ADARB2: variants seen among roughly 807,000 people sequenced by gnomAD.
The protein encoded by ADARB2 is adenosine deaminase RNA specific B2 (inactive), also known as inactive double-stranded RNA-specific editase B2.
In ADARB2, 25 loss-of-function variants were observed where a neutral mutation model predicts 62.2. The observed-to-expected ratio is 0.40, with a 90% CI of 0.29 to 0.56. The LOEUF is 0.56. ADARB2 is among the 20% of genes least tolerant of loss of function. The probability of loss-of-function intolerance (pLI) is 0.43; values close to 1 mark genes in which losing one functional copy is unlikely to be tolerated. For missense variants in ADARB2, 1,071 were observed against 1,077.4 expected, an observed-to-expected ratio of 0.99 and a Z score of 0.08; for synonymous variants, 572 against 500.8, an observed-to-expected ratio of 1.14 and a Z score of -1.90.
intron 2 of ADARB2, among the ~76,000 whole-genome samples, chr10:1,367,036 C>G (rs1202297128): frequency 6.6e-6 from 1 of 152,250 alleles, no homozygotes; most frequent in African/African-American, 2.4e-5. Context: ...CTGGCTGGCC[C>G]AGCCCCACGC....
At chr10:1,469,257 C>T (rs550573418) in intron 1 of ADARB2, among the ~76,000 whole-genome samples, 4 of 152,368 alleles carry the variant, frequency 2.6e-5, no homozygotes, top group South Asian at 2.1e-4. Context: ...CCGCGGTCTG[C>T]GCACGGCTCC....
chr10:1,727,258 G>C (rs866319295), intron 1 of ADARB2, among the ~76,000 whole-genome samples: 1 of 152,092 alleles, frequency 6.6e-6, no homozygotes, highest in African/African-American at 2.4e-5. Flanking sequence ...CCCAACAAAG[G>C]AGGAAGCACC....
intron 1 of ADARB2, among the ~76,000 whole-genome samples, chr10:1,380,064 G>A (rs938744146): frequency 5.3e-5 from 8 of 152,186 alleles, no homozygotes; most frequent in Admixed American, 2.0e-4. Flanking sequence ...TGAAGCCACC[G>A]CACTTGGGAG....
intron 3 of ADARB2, among the ~76,000 whole-genome samples, chr10:1,279,313 TTTG>T (rs749767232): frequency 3.9e-5 from 6 of 152,228 alleles, no homozygotes; most frequent in African/African-American, 9.6e-5. Flanking sequence ...CATTTGTTTG[TTTG>T]TTTGTCTGTT....
chr10:1,451,298 CAGGAGCGG>C (rs1831034443), intron 1 of ADARB2, among the ~76,000 whole-genome samples: 3 of 152,248 alleles, frequency 2.0e-5, no homozygotes, highest in Non-Finnish European at 4.4e-5. Flanking sequence ...AACAGGGACA[CAGGAGCGG>C]TGTTTATCCT....
chr10:1,634,354 C>T (rs1833888888), intron 1 of ADARB2, among the ~76,000 whole-genome samples: 1 of 152,220 alleles, frequency 6.6e-6, no homozygotes, highest in South Asian at 2.1e-4. Context: ...CCAGGACTCT[C>T]CAGGTGTCCA....
At chr10:1,396,510 T>C (rs181175006) in intron 1 of ADARB2, among the ~76,000 whole-genome samples, 63 of 152,308 alleles carry the variant, frequency 4.1e-4, no homozygotes, top group African/African-American at 1.5e-3. Context: ...GCTCCTGTCC[T>C]GCTCCATTTC....
chr10:1,279,438 G>A (rs1831351110), intron 3 of ADARB2, among the ~76,000 whole-genome samples: 1 of 152,184 alleles, frequency 6.6e-6, no homozygotes, highest in Non-Finnish European at 1.5e-5. Flanking sequence ...AGCTCAGCCT[G>A]CCAAGTAGTT....
At chr10:1,234,432 C>T (rs990265212) in intron 5 of ADARB2, among the ~76,000 whole-genome samples, 2 of 152,136 alleles carry the variant, frequency 1.3e-5, no homozygotes, top group African/African-American at 2.4e-5. Flanking sequence ...ATTTACCTGT[C>T]AGGGTTATTA....
At chr10:1,412,702 C>A (rs1415806877) in intron 1 of ADARB2, among the ~76,000 whole-genome samples, 1 of 152,118 alleles carries the variant, frequency 6.6e-6, no homozygotes, top group Non-Finnish European at 1.5e-5. Flanking sequence ...CCAGGTGCAT[C>A]CCTGCTCAGA....
chr10:1,187,925 A>G (rs1836783877), intron 8 of ADARB2: 2 of 343,348 alleles, frequency 5.8e-6, no homozygotes, highest in African/African-American at 2.1e-5. Context: ...CTCACCTGTG[A>G]TGACGTAAAT....
At chr10:1,231,088 A>C (rs915311373) in intron 6 of ADARB2, among the ~76,000 whole-genome samples, 3 of 151,984 alleles carry the variant, frequency 2.0e-5, no homozygotes, top group Non-Finnish European at 2.9e-5. Flanking sequence ...GTGGACTAGA[A>C]CTGTCCCCTG....
chr10:1,334,865 C>T (rs375600247), intron 3 of ADARB2, among the ~76,000 whole-genome samples: 1 of 152,176 alleles, frequency 6.6e-6, no homozygotes, highest in Non-Finnish European at 1.5e-5. Context: ...TGACAAAACC[C>T]TCAGTGCATC....
At chr10:1,420,380 A>G (rs983129954) in intron 1 of ADARB2, among the ~76,000 whole-genome samples, 14 of 152,226 alleles carry the variant, frequency 9.2e-5, no homozygotes, top group African/African-American at 3.1e-4. Context: ...GGAAAATAAT[A>G]TGATCAGATC....
chr10:1,375,019 C>A (rs1832410128), intron 2 of ADARB2, among the ~76,000 whole-genome samples: 2 of 152,080 alleles, frequency 1.3e-5, no homozygotes, highest in Non-Finnish European at 2.9e-5. Context: ...TGGACACTGG[C>A]AGGCTGGGCA....
intron 4 of ADARB2, among the ~76,000 whole-genome samples, chr10:1,264,976 T>C (rs1423679005): frequency 6.6e-6 from 1 of 152,238 alleles, no homozygotes; most frequent in African/African-American, 2.4e-5. Flanking sequence ...TAATGTACTC[T>C]AGAAAACTCC....
chr10:1,664,109 T>C (rs1201869914), intron 1 of ADARB2, among the ~76,000 whole-genome samples: 1 of 151,934 alleles, frequency 6.6e-6, no homozygotes, highest in Admixed American at 6.6e-5. Flanking sequence ...TGCGGGTTTG[T>C]GTGTGTCCGC....
At chr10:1,232,909 ATG>A (rs1830823311) in intron 6 of ADARB2, among the ~76,000 whole-genome samples, 1 of 150,202 alleles carries the variant, frequency 6.7e-6, no homozygotes, top group Non-Finnish European at 1.5e-5. Flanking sequence ...TGTGGTATAC[ATG>A]TGTGGTATAT....
At chr10:1,376,731 A>C (rs1832432344) in intron 2 of ADARB2, among the ~76,000 whole-genome samples, 1 of 151,932 alleles carries the variant, frequency 6.6e-6, no homozygotes, top group Non-Finnish European at 1.5e-5. Context: ...CTGAAGCTTC[A>C]TTTCTTTTTC....
Sources: allele counts gnomAD v4.1 joint callset (sites outside exome capture counted in the v4.1 genomes callset), GRCh38; gene constraint gnomAD v4.1.1; transcripts MANE v1.5; gene names NCBI Gene and HGNC (gene_info 2026-07-23, HGNC 2026-07-21).